Variants in SGIP1 observed in about 807,000 individuals in gnomAD.
The protein encoded by SGIP1 is SH3-containing GRB2-like protein 3-interacting protein 1.
Under a neutral mutation model 107.5 loss-of-function variants are expected in SGIP1, and 38 were observed. The ratio of observed to expected loss-of-function variants is 0.35; its 90% CI spans 0.27 to 0.46. SGIP1 has a LOEUF of 0.46. SGIP1 is among the 20% of genes least tolerant of loss of function. SGIP1 has a pLI of 1.00. For missense variants in SGIP1, 929 were observed against 1,019.5 expected, an observed-to-expected ratio of 0.91 and a Z score of 1.21; for synonymous variants, 365 against 366.1, an observed-to-expected ratio of 1.00 and a Z score of 0.03.
intron 1 of SGIP1, among the ~76,000 whole-genome samples, chr1:66,568,290 T>C (rs998098024): frequency 6.6e-6 from 1 of 152,096 alleles, no homozygotes; most frequent in Admixed American, 6.6e-5. Context: ...TCATTTATGA[T>C]TTGGCTCTCA....
In SGIP1 at chr1:66,652,887, C is replaced by T. The variant is rs2079034829; in HGVS notation, c.460-7626C>T. 2.6e-5 allele frequency among the ~76,000 whole-genome samples: 4 copies of T among 152,184 alleles called. No individual in the cohort carries two copies. In the South Asian group the frequency reaches 6.2e-4, roughly 24 times the overall value. ...TCTGATGCAAGGCACTCAGCCCAGA[C>T]CTCTTATTTAGTAAATTAGAAGGCA... On this transcript the variant is annotated intron_variant, in intron 7 of 24. Transcript: ENST00000371037.
At chr1:66,598,939 G>GA (rs1330480593) in intron 1 of SGIP1, among the ~76,000 whole-genome samples, 19 of 152,102 alleles carry the variant, frequency 1.2e-4, no homozygotes, top group Non-Finnish European at 5.9e-5. Flanking sequence ...GAGGCTTACT[G>GA]GGATGAAATG....
At chr1:66,588,446 AT>A (rs2062998997) in intron 1 of SGIP1, among the ~76,000 whole-genome samples, 2 of 152,152 alleles carry the variant, frequency 1.3e-5, no homozygotes, top group Non-Finnish European at 2.9e-5. Context: ...AAGTGTTTCA[AT>A]GTTCTGTGAA....
Position 66,639,759 on chromosome 1 carries a change from T to C in SGIP1, c.172-18T>C. The C allele has an allele frequency of 6.3e-7, 1 of 1,598,290 alleles. No homozygotes were observed. The highest frequency in any genetic ancestry group is 8.6e-7 in the Non-Finnish European group (1 of 1,168,344). On this transcript the variant is annotated intron_variant, in intron 4 of 24. Transcript: ENST00000371037. ...TTCAAATGTTTTCCTTCTAAATTCATTTTCAAATTTATTACAGAAGAAAAG... is the reference window on the plus strand; with the variant it reads ...TTCAAATGTTTTCCTTCTAAATTCACTTTCAAATTTATTACAGAAGAAAAG...
At chr1:66,676,581 G>A (rs17491407) in intron 12 of SGIP1, among the ~76,000 whole-genome samples, 1,584 of 152,054 alleles carry the variant, frequency 0.01, 13 homozygotes, top group Admixed American at 0.021. Context: ...GAATGCAGGC[G>A]TTTTCAGTTT....
chr1:66,610,998 G>C (rs942960182), intron 1 of SGIP1, among the ~76,000 whole-genome samples: 3 of 151,886 alleles, frequency 2.0e-5, no homozygotes, highest in Admixed American at 1.3e-4. Context: ...GGGTGGGAGG[G>C]GGGTGAGGGA....
At chr1:66,563,354 C>T (rs1001128921) in intron 1 of SGIP1, among the ~76,000 whole-genome samples, 1 of 151,972 alleles carries the variant, frequency 6.6e-6, no homozygotes, top group Non-Finnish European at 1.5e-5. Flanking sequence ...TGCCATGTTG[C>T]AGCAAGAAGA....
chr1:66,673,405 T>C, intron 12 of SGIP1, 39 bp downstream of exon 12: 1 of 1,529,600 alleles, frequency 6.5e-7, no homozygotes, highest in South Asian at 1.3e-5. Flanking sequence ...ATTTGTTTTT[T>C]CTTTTATTAA....
chr1:66,610,255 G>A (rs1028781543), intron 1 of SGIP1, among the ~76,000 whole-genome samples: 2 of 152,154 alleles, frequency 1.3e-5, no homozygotes. Context: ...GTATGAGTTT[G>A]TGTTCTCTCT....
At chr1:66,612,045 T>C (rs549169148) in intron 1 of SGIP1, among the ~76,000 whole-genome samples, 1 of 152,274 alleles carries the variant, frequency 6.6e-6, no homozygotes, top group African/African-American at 2.4e-5. Flanking sequence ...TATTTGGCTT[T>C]CGGTTCTGCA....
intron 18 of SGIP1, among the ~76,000 whole-genome samples, chr1:66,708,415 T>C (rs542235555): frequency 6.6e-6 from 1 of 152,322 alleles, no homozygotes; most frequent in East Asian, 1.9e-4. Flanking sequence ...AAAATTTGGC[T>C]GTATGAGTCT....
intron 20 of SGIP1, 111 bp downstream of exon 20, chr1:66,729,530 A>G (rs2093912939): frequency 7.6e-7 from 1 of 1,321,088 alleles, no homozygotes; most frequent in Non-Finnish European, 1.0e-6. Flanking sequence ...AATTACCACC[A>G]CTCAGATATA....
intron 3 of SGIP1, chr1:66,634,058 C>T (rs1297753153): frequency 1.9e-6 from 3 of 1,580,672 alleles, no homozygotes; most frequent in Non-Finnish European, 2.6e-6. Context: ...TTGGGTAACA[C>T]TATAATCAAG....
chr1:66,633,131 C>T (rs1349746073), intron 3 of SGIP1, 37 bp downstream of exon 3: 4 of 1,364,894 alleles, frequency 2.9e-6, no homozygotes, highest in South Asian at 2.4e-5. Flanking sequence ...TGAGTTTGTG[C>T]TTCAATATAT....
intron 18 of SGIP1, among the ~76,000 whole-genome samples, chr1:66,706,542 T>A (rs2092534436): frequency 6.7e-6 from 1 of 150,162 alleles, no homozygotes; most frequent in African/African-American, 2.4e-5. Flanking sequence ...TAAATAAATG[T>A]AAAGATGACA....
intron 18 of SGIP1, among the ~76,000 whole-genome samples, chr1:66,700,479 A>G (rs2091743097): frequency 6.6e-6 from 1 of 151,998 alleles, no homozygotes; most frequent in Non-Finnish European, 1.5e-5. Flanking sequence ...CCTTGCAACA[A>G]AGGTTTTGCC....
intron 1 of SGIP1, among the ~76,000 whole-genome samples, chr1:66,568,722 T>C (rs1255656712): frequency 6.6e-6 from 1 of 151,930 alleles, no homozygotes; most frequent in Non-Finnish European, 1.5e-5. Flanking sequence ...CATACGCAAA[T>C]CAATAAATGT....
intron 13 of SGIP1, among the ~76,000 whole-genome samples, 180 bp downstream of exon 13, chr1:66,677,276 A>G (rs1425278297): frequency 2.0e-5 from 3 of 152,244 alleles, no homozygotes; most frequent in Admixed American, 6.5e-5. Context: ...GGTTATGAAG[A>G]CAGGAAGAAA....
rs12066541 is a variant in SGIP1 at position 66,583,245 on chromosome 1, G to A, written c.11-42602G>A. 4.9e-3 allele frequency among the ~76,000 whole-genome samples: 748 copies of A among 151,986 alleles called. 6 individuals carry two copies. Among genetic ancestry groups the A allele is most frequent in the Non-Finnish European group, 7.3e-3 (496 of 67,926 alleles). ...ATTGTGCAAGAGATGAGCCATTAGC[G>A]CTTTTCCTAGTAGTAGGAAAGTTGG... On this transcript the variant is annotated intron_variant, in intron 1 of 24. Coordinates refer to ENST00000371037, the MANE Select transcript of SGIP1 (RefSeq NM_032291.4).
Sources: gnomAD v4.1 joint callset for allele counts (sites outside exome capture counted in the v4.1 genomes callset) on GRCh38, gnomAD v4.1.1 for gene constraint, MANE v1.5 for transcripts, NCBI Gene and HGNC (gene_info 2026-07-23, HGNC 2026-07-21) for gene names.